Variants in CRIM1 observed in about 807,000 individuals in gnomAD.
The protein encoded by CRIM1 is cysteine-rich motor neuron 1 protein.
CRIM1 carries 32 observed loss-of-function variants against 116.4 expected under a neutral mutation model. The observed-to-expected ratio is 0.27, with a 90% CI of 0.21 to 0.37. CRIM1 has a LOEUF of 0.37. Among genes scored for constraint, CRIM1 ranks in the 10% least tolerant of loss-of-function variants. CRIM1 has a pLI of 1.00. For missense variants in CRIM1, 1,331 were observed against 1,354.8 expected, an observed-to-expected ratio of 0.98 and a Z score of 0.28; for synonymous variants, 590 against 509.2, an observed-to-expected ratio of 1.16 and a Z score of -2.13.
intron 7 of CRIM1, among the ~76,000 whole-genome samples, chr2:36,482,727 A>G (rs1017184890): frequency 3.9e-5 from 6 of 152,206 alleles, no homozygotes; most frequent in African/African-American, 1.4e-4. Context: ...CCCTTACCCT[A>G]TTAGCTACAG....
chr2:36,396,421 T>A (rs1376867001), intron 1 of CRIM1, among the ~76,000 whole-genome samples, 193 bp from the exon 2 acceptor site: 1 of 152,228 alleles, frequency 6.6e-6, no homozygotes, highest in Non-Finnish European at 1.5e-5. Context: ...TGGATGGCTA[T>A]TATTTCACTT....
chr2:36,428,035 A>G (rs1007753073), intron 2 of CRIM1, among the ~76,000 whole-genome samples: 2 of 152,384 alleles, frequency 1.3e-5, no homozygotes, highest in East Asian at 3.9e-4. Flanking sequence ...AGCTGATTTC[A>G]TGATAAAGGA....
intron 14 of CRIM1, among the ~76,000 whole-genome samples, chr2:36,542,497 TCTCA>T (rs967341139): frequency 1.3e-5 from 2 of 152,298 alleles, no homozygotes; most frequent in Admixed American, 6.5e-5. Context: ...CGTCTCTCCC[TCTCA>T]CTCAGGAAAA....
At chr2:36,408,938 CTG>C (rs756729391) in intron 2 of CRIM1, among the ~76,000 whole-genome samples, 5 of 151,718 alleles carry the variant, frequency 3.3e-5, no homozygotes, top group Admixed American at 3.3e-4. Context: ...CTATTAGACA[CTG>C]TGTTTTTTCT....
At chr2:36,453,063 T>C (rs1429840739) in intron 4 of CRIM1, among the ~76,000 whole-genome samples, 1 of 152,242 alleles carries the variant, frequency 6.6e-6, no homozygotes, top group Non-Finnish European at 1.5e-5. Context: ...GCCCTACCTG[T>C]AATGAAAATA....
intron 4 of CRIM1, among the ~76,000 whole-genome samples, chr2:36,456,051 G>A (rs551979369): frequency 2.0e-5 from 3 of 152,232 alleles, no homozygotes; most frequent in South Asian, 2.1e-4. Flanking sequence ...TGGTTCTGGC[G>A]GCCTGAAGGA....
chr2:36,370,376 G>A (rs1669868140), intron 1 of CRIM1, among the ~76,000 whole-genome samples: 1 of 152,036 alleles, frequency 6.6e-6, no homozygotes, highest in African/African-American at 2.4e-5. Context: ...GGCAGTAGAT[G>A]AAATTATTTT....
chr2:36,471,850 C>T (rs948825263), intron 5 of CRIM1, among the ~76,000 whole-genome samples: 2 of 152,060 alleles, frequency 1.3e-5, no homozygotes, highest in African/African-American at 4.8e-5. Flanking sequence ...GTATGGACTA[C>T]AGTACAGTGT....
At chr2:36,472,747 TTAGAG>T (rs1320158756) in intron 5 of CRIM1, among the ~76,000 whole-genome samples, 1 of 152,196 alleles carries the variant, frequency 6.6e-6, no homozygotes, top group East Asian at 1.9e-4. Context: ...GTTCATTTTG[TTAGAG>T]TACAGTATTT....
chr2:36,470,098 G>A (rs2125021830), intron 5 of CRIM1, among the ~76,000 whole-genome samples: 1 of 152,266 alleles, frequency 6.6e-6, no homozygotes, highest in Admixed American at 6.5e-5. Context: ...TTAAGAACAT[G>A]TCATCAGTAT....
chr2:36,542,478 C>A (rs373930276), intron 14 of CRIM1, among the ~76,000 whole-genome samples: 2 of 152,194 alleles, frequency 1.3e-5, no homozygotes. Flanking sequence ...CAAAAGAATT[C>A]CAAAGTTACG....
intron 5 of CRIM1, among the ~76,000 whole-genome samples, chr2:36,473,728 ATAT>A (rs1678730206): frequency 2.0e-5 from 3 of 152,218 alleles, no homozygotes; most frequent in South Asian, 2.1e-4. Context: ...TGGCCACGTA[ATAT>A]TTTATTGTAT....
chr2:36,471,724 TAA>T (rs1439200175), intron 5 of CRIM1, among the ~76,000 whole-genome samples: 1 of 72,142 alleles, frequency 1.4e-5, no homozygotes, highest in Non-Finnish European at 2.7e-5. Flanking sequence ...CTGATTAGCT[TAA>T]ACACACACAC....
intron 13 of CRIM1, among the ~76,000 whole-genome samples, chr2:36,536,670 AGAAGCTTGGAAGAGGG>A (rs2125166521): frequency 6.6e-6 from 1 of 152,298 alleles, no homozygotes; most frequent in East Asian, 1.9e-4. Flanking sequence ...ACCTTCAAGG[AGAAGCTTGGAAGAGGG>A]AGGAAATGAG....
At chr2:36,467,291 T>C (rs1678121844) in intron 5 of CRIM1, among the ~76,000 whole-genome samples, 1 of 152,228 alleles carries the variant, frequency 6.6e-6, no homozygotes, top group South Asian at 2.1e-4. Flanking sequence ...TAGGAACTAA[T>C]ACTGTGAAGA....
intron 4 of CRIM1, among the ~76,000 whole-genome samples, chr2:36,458,005 C>A (rs1023613084): frequency 3.3e-5 from 5 of 152,198 alleles, no homozygotes; most frequent in African/African-American, 1.2e-4. Flanking sequence ...GACCTCCCAC[C>A]CACCTGTAAG....
At chr2:36,513,790 G>A in intron 11 of CRIM1, 25 bp downstream of exon 11, 2 of 1,602,966 alleles carry the variant, frequency 1.2e-6, no homozygotes, top group Non-Finnish European at 1.7e-6. Context: ...CCATCTGTGT[G>A]CTCCATAAGC....
At chr2:36,448,998 T>C (rs1676471880) in intron 4 of CRIM1, among the ~76,000 whole-genome samples, 1 of 151,890 alleles carries the variant, frequency 6.6e-6, no homozygotes, top group African/African-American at 2.4e-5. Flanking sequence ...TCCTATTTTA[T>C]TTTTAAATCA....
chr2:36,377,948 G>A (rs1364091257), intron 1 of CRIM1, among the ~76,000 whole-genome samples: 1 of 152,166 alleles, frequency 6.6e-6, no homozygotes, highest in African/African-American at 2.4e-5. Flanking sequence ...AGTCTGTCAG[G>A]TGTTTCAGTA....
Sources: gnomAD v4.1 joint callset for allele counts (sites outside exome capture counted in the v4.1 genomes callset) on GRCh38, gnomAD v4.1.1 for gene constraint, MANE v1.5 for transcripts, NCBI Gene and HGNC (gene_info 2026-07-23, HGNC 2026-07-21) for gene names.